The following WDR81 variants were observed in gnomAD, a reference collection of about 807,000 sequenced individuals.
WDR81 encodes WD repeat-containing protein 81.
Under a neutral mutation model 140.8 loss-of-function variants are expected in WDR81, and 92 were observed. The ratio of observed to expected loss-of-function variants is 0.65; its 90% CI spans 0.55 to 0.78. WDR81 has a LOEUF of 0.78. Among genes scored for constraint, WDR81 ranks in the 30% least tolerant of loss-of-function variants. The pLI, the probability that WDR81 is intolerant of heterozygous loss-of-function variation, is 0.00. For synonymous variants in WDR81, 1,183 were observed against 1,156.4 expected (o/e 1.02, Z -0.47); for missense variants, 2,502 against 2,636.4 (o/e 0.95, Z 1.12).
At position 1,726,462 on chromosome 17, in the gene WDR81, C is replaced by G; in HGVS notation, c.1503C>G (p.Ile501Met). ...CGGAGTTCTACACCGATCCCTCTAT[C>G]TTCCGCTCCATCCACCCCGACATGC... ...CIPEFYTDPS[I>M]FRSIHPDMPD... Residue 501 changes from isoleucine to methionine, a missense_variant, in exon 1 of 10, where the codon ATC becomes ATG. Around this residue, in one of 3 missense-constraint regions of WDR81, gnomAD observed 218 missense variants for 279.6 expected, o/e 0.78. Transcript: ENST00000409644. 1.3e-6 allele frequency: 2 copies of G among 1,550,528 alleles called. No homozygotes were observed. The highest frequency in any genetic ancestry group is 1.7e-6 in the Non-Finnish European group (2 of 1,147,026).
chr17:1,730,154 G>A (rs1915587824), intron 1 of WDR81, among the ~76,000 whole-genome samples: 1 of 152,232 alleles, frequency 6.6e-6, no homozygotes, highest in Non-Finnish European at 1.5e-5. Context: ...ACTTCCTGCG[G>A]GTCGTGCCTG....
At chr17:1,733,504 G>C (rs750532339) in intron 6 of WDR81, 23 bp from the exon 7 acceptor site, 7 of 1,504,338 alleles carry the variant, frequency 4.7e-6, no homozygotes, top group Non-Finnish European at 6.2e-6. Flanking sequence ...CCCTGTCTCA[G>C]GACCTCTCCC....
rs1904479005 is a variant in WDR81, at chr17:1,732,812, G to A, written c.4470G>A (p.Val1490=). ...TGGAGATGGCATACACAATCTACGT[G>A]CCCTTCTCCTGCCTGTTGGGTACTG... ...FTLEMAYTIY[V]PFSCLLGDII... is the part of the protein sequence containing the mutation. Residue 1490 remains valine (V), a synonymous_variant, in exon 6 of 10, where the codon GTG becomes GTA. Coordinates refer to ENST00000409644, the MANE Select transcript of WDR81 (RefSeq NM_001163809.2). 9 of 1,610,800 alleles carry A rather than the reference G, an allele frequency of 5.6e-6. No homozygotes were observed. The highest frequency in any genetic ancestry group is 6.8e-6 in the Non-Finnish European group (8 of 1,178,666).
chr17:1,735,907 G>A lies in WDR81; in HGVS notation c.5326-132G>A. 3 of 1,407,860 alleles carry A rather than the reference G, an allele frequency of 2.1e-6. No individual in the cohort carries two copies. Among genetic ancestry groups the A allele is most frequent in the Non-Finnish European group, 1.9e-6 (2 of 1,059,362 alleles). The allele number at this position is 1,407,860 out of a possible 1,614,324, so 87.2% of individuals were successfully genotyped here. ...TGGCCTGTGATGGGGGTGGGGTTCT[G>A]GGCTTTTCATGCCCCCTGATGAGGG... is the stretch of plus-strand genomic sequence containing the variant. On this transcript the variant is annotated intron_variant, in intron 8 of 9. Transcript: ENST00000409644. This position sits in a 1 kb window ranked among gnomAD's most constrained non-coding sequence, Gnocchi z 4.2.
rs1253889852 is a variant in WDR81, at chr17:1,725,966, C to G, written c.1007C>G (p.Pro336Arg). The G allele has an allele frequency of 6.4e-6, 10 of 1,550,524 alleles. No individual in the cohort carries two copies. The highest frequency in any genetic ancestry group is 5.5e-5 in the African/African-American group (4 of 73,180). ...TCTCAAGAGGAGCAGGGAGGGCAAC[C>G]TGGGCAACCCACTGGCCAGGAGGAA... ...IVSQEEQGGQ[P>R]GQPTGQEELR... The change falls in exon 1 of 10, where the codon CCT (proline) becomes CGT (arginine). Residue 336 changes from proline (P) to arginine (R), a missense_variant. Pro to Arg is a moderately radical substitution (Grantham distance 103). Around this residue, in one of 3 missense-constraint regions of WDR81, gnomAD observed 547 missense variants for 513.8 expected, o/e 1.06. Transcript: ENST00000409644.
chr17:1,723,743 C>T (rs1331265908), upstream of WDR81, among the ~76,000 whole-genome samples: 1 of 151,908 alleles, frequency 6.6e-6, no homozygotes, highest in African/African-American at 2.4e-5. Flanking sequence ...CCTCAGCCTC[C>T]CAAAGTGCTG....
At chr17:1,736,305 T>G in intron 9 of WDR81, 87 bp downstream of exon 9, 1 of 1,464,998 alleles carries the variant, frequency 6.8e-7, no homozygotes, top group Non-Finnish European at 9.1e-7. Context: ...CTGCCCGGGT[T>G]CAGGCTCGAA....
At chr17:1,717,545 A>G (rs1914643046) in intron 1 of WDR81, among the ~76,000 whole-genome samples, 1 of 152,212 alleles carries the variant, frequency 6.6e-6, no homozygotes, top group African/African-American at 2.4e-5. Context: ...TGCGTTCAGG[A>G]CATTGCGCCT....
chr17:1,721,417 G>C (rs1041789481), upstream of WDR81, among the ~76,000 whole-genome samples: 2 of 152,136 alleles, frequency 1.3e-5, no homozygotes, highest in Non-Finnish European at 2.9e-5. Context: ...TACTCGGGAG[G>C]CTGAGGTGGG....
chr17:1,735,401 C>T lies in WDR81; in HGVS notation c.5180-171C>T, dbSNP rs999249994. On this transcript the variant is annotated intron_variant, in intron 7 of 9. Transcript: ENST00000409644. This position sits in a 1 kb window ranked among gnomAD's most constrained non-coding sequence, Gnocchi z 4.2. ...CCGAGATTGCACCACTGCACTCCAG[C>T]CTGGGCGACAAAGCGAGACTCCATC... Among the ~76,000 whole-genome samples, 2 of 152,206 alleles carry T rather than the reference C, an allele frequency of 1.3e-5. No homozygotes were observed. The highest frequency in any genetic ancestry group is 2.4e-5 in the African/African-American group (1 of 41,446).
chr17:1,730,003 AAAG>A (rs34994724), intron 1 of WDR81, among the ~76,000 whole-genome samples: 38 of 145,078 alleles, frequency 2.6e-4, no homozygotes, highest in African/African-American at 5.1e-4. Flanking sequence ...AAAAAAAAAA[AAAG>A]AAGAAGAAGA....
intron 7 of WDR81, 145 bp downstream of exon 7, chr17:1,734,361 A>C (rs886951947): frequency 1.4e-5 from 14 of 974,112 alleles, no homozygotes; most frequent in Non-Finnish European, 1.9e-5. Flanking sequence ...TAGGGCTTCG[A>C]ATCTGTTAGA....
At position 1,732,729 on chromosome 17, in the gene WDR81, G is replaced by T; in HGVS notation, c.4387G>T (p.Gly1463Trp). 6.2e-7 allele frequency: 1 copy of T among 1,612,934 alleles called. No homozygotes were observed. The part of the protein sequence containing the change: ...GQLPQVVFSD[G>W]QQRPVDPALL... ...GCTGCCACAGGTGGTCTTCTCTGATGGGCAGCAGCGGCCCGTGGACCCCGC... is the reference window on the plus strand; with the variant it reads ...GCTGCCACAGGTGGTCTTCTCTGATTGGCAGCAGCGGCCCGTGGACCCCGC... Residue 1463 changes from glycine to tryptophan, a missense_variant, in exon 6 of 10, where the codon GGG becomes TGG. Physicochemically the swap from Gly to Trp is radical, Grantham distance 184 (BLOSUM62 -2). Transcript: ENST00000409644.
In WDR81 at chr17:1,726,763, C is replaced by A. The variant is rs1379157899; in HGVS notation, c.1804C>A (p.Pro602Thr). Residue 602 changes from proline to threonine, a missense_variant, in exon 1 of 10, where the codon CCT becomes ACT. Around this residue, in one of 3 missense-constraint regions of WDR81, gnomAD observed 1,737 missense variants for 1,843.0 expected, o/e 0.94. Transcript: ENST00000409644. Reference sequence around the variant, plus strand: ...TGGGGCTCCTGCCCTTGCCCCCGAGCCTCCCCTCATCCCCAAGCTGTTGGT... The same window carrying A: ...TGGGGCTCCTGCCCTTGCCCCCGAGACTCCCCTCATCCCCAAGCTGTTGGT... The part of the protein sequence containing the change: ...LAGAPALAPE[P>T]PLIPKLLVQT... 1 of 1,548,018 alleles carries A rather than the reference C, an allele frequency of 6.5e-7. No individual in the cohort carries two copies. Among genetic ancestry groups the A allele is most frequent in the East Asian group, 2.4e-5 (1 of 40,898 alleles).
Position 1,731,055 on chromosome 17 carries a change from T to C in WDR81, c.3967-13T>C. 1 of 1,610,690 alleles carries C rather than the reference T, an allele frequency of 6.2e-7. No individual in the cohort carries two copies. Among genetic ancestry groups the C allele is most frequent in the Middle Eastern group, 1.7e-4 (1 of 6,054 alleles). On this transcript the variant is annotated splice_polypyrimidine_tract_variant and intron_variant, in intron 3 of 9. Transcript: ENST00000409644. Reference sequence around the variant, plus strand: ...GTGGGGCTGCCCGGCCCTCATCTGCTCGGTGGCTCTAGGTGGCCCCAGGGA... The same window carrying C: ...GTGGGGCTGCCCGGCCCTCATCTGCCCGGTGGCTCTAGGTGGCCCCAGGGA...
chr17:1,728,526 C>A lies in WDR81; in HGVS notation c.3567C>A (p.Ser1189=). The A allele has an allele frequency of 6.4e-7, 1 of 1,565,832 alleles. No homozygotes were observed. The highest frequency in any genetic ancestry group is 1.9e-5 in the Admixed American group (1 of 52,056). Residue 1189 remains serine (S), a synonymous_variant, in exon 1 of 10, where the codon TCC becomes TCA. Transcript: ENST00000409644. ...TCACTCTGTCTGACACGGTGCTGTC[C>A]ATGGAGACGGTTGTGGCCGGCGGCA... is the stretch of plus-strand genomic sequence containing the variant. ...SELTLSDTVL[S]METVVAGGSG...
At position 1,736,210 on chromosome 17, in the gene WDR81, C is replaced by T. The variant is rs745462610; in HGVS notation, c.5497C>T (p.Gln1833Ter). The T allele has an allele frequency of 6.3e-7, 1 of 1,596,892 alleles. No homozygotes were observed. Residue 1833 changes from glutamine (Q) to a stop codon, truncating the protein, a stop_gained, in exon 9 of 10, where the codon CAG becomes TAG. Transcript: ENST00000409644. LOFTEE classifies it high-confidence loss of function. Reference sequence around the variant, plus strand: ...GCCAGCCCACGAGGGGGACATTCTGCAGATCAAGGTGACGGGCCGGGTCTC... The same window carrying T: ...GCCAGCCCACGAGGGGGACATTCTGTAGATCAAGGTGACGGGCCGGGTCTC... The part of the protein sequence containing the change: ...GWPAHEGDIL[Q>*]IKAVEGSVLV...
rs533141873 is a variant in WDR81 at position 1,732,433 on chromosome 17, C to G, written c.4266C>G (p.Ser1422Arg). The stretch of plus-strand genomic sequence containing the variant: ...AGGAGATGGTCCAGCAGCACCTGAG[C>G]GAGCCCGTGGCCACCTTTTTCCAGG... Reference protein sequence around the residue: ...IGQEMVQQHLSEPVATFFQVF... With the variant: ...IGQEMVQQHLREPVATFFQVF... Residue 1422 changes from serine to arginine, a missense_variant, in exon 5 of 10, where the codon AGC (serine) becomes AGG (arginine). By Grantham distance (110) the Ser-to-Arg change is moderately radical. Around this residue, in one of 3 missense-constraint regions of WDR81, gnomAD observed 1,737 missense variants for 1,843.0 expected, o/e 0.94. Transcript: ENST00000409644. 1 of 1,613,498 alleles carries G rather than the reference C, an allele frequency of 6.2e-7. No homozygotes were observed. Among genetic ancestry groups the G allele is most frequent in the African/African-American group, 1.3e-5 (1 of 75,018 alleles).
Position 1,727,663 on chromosome 17 carries a change from G to A in WDR81, c.2704G>A (p.Val902Met), listed in dbSNP as rs201745350. 12 of 1,550,482 alleles carry A rather than the reference G, an allele frequency of 7.7e-6. No individual in the cohort carries two copies. The highest frequency in any genetic ancestry group is 2.4e-5 in the East Asian group (1 of 40,936). ...VEDEAQGREL[V>M]FALWQQLGAV... ...GGACGAGGCCCAGGGGCGCGAGCTGGTGTTTGCTCTGTGGCAGCAGCTGGG... is the reference window on the plus strand; with the variant it reads ...GGACGAGGCCCAGGGGCGCGAGCTGATGTTTGCTCTGTGGCAGCAGCTGGG... Residue 902 changes from valine (V) to methionine (M), a missense_variant, in exon 1 of 10, where the codon GTG becomes ATG. Physicochemically the swap from Val to Met is conservative, Grantham distance 21 (BLOSUM62 1). Transcript: ENST00000409644.
Sources: allele counts gnomAD v4.1 joint callset (sites outside exome capture counted in the v4.1 genomes callset), GRCh38; gene constraint gnomAD v4.1.1; regional missense constraint gnomAD v4.1.1; non-coding constraint Gnocchi (gnomAD v3.1); transcripts MANE v1.5; gene names NCBI Gene and HGNC (gene_info 2026-07-23, HGNC 2026-07-21).